LHFPL3: variants seen among roughly 807,000 people sequenced by gnomAD.
The protein encoded by LHFPL3 is LHFPL tetraspan subfamily member 3, also known as LHFPL tetraspan subfamily member 3 protein.
In LHFPL3, 5 loss-of-function variants were observed where a neutral mutation model predicts 19.3. The ratio of observed to expected loss-of-function variants is 0.26; its 90% CI spans 0.14 to 0.54. The LOEUF is 0.54. Ranked by LOEUF, LHFPL3 falls within the 20% of genes least tolerant of loss-of-function variation. LHFPL3 has a pLI of 0.94. For missense variants in LHFPL3, 249 were observed against 307.4 expected (o/e 0.81, Z 1.42); for synonymous variants, 133 against 126.2 (o/e 1.05, Z -0.36).
chr7:104,494,650 A>C (rs994723953), intron 1 of LHFPL3, among the ~76,000 whole-genome samples: 2 of 152,172 alleles, frequency 1.3e-5, no homozygotes, highest in Admixed American at 6.5e-5. Context: ...CATTCAAGTC[A>C]AATCAAGCCT....
chr7:104,717,919 G>T (rs1297194375), intron 1 of LHFPL3, among the ~76,000 whole-genome samples: 1 of 152,090 alleles, frequency 6.6e-6, no homozygotes, highest in Non-Finnish European at 1.5e-5. Flanking sequence ...AGTGTCCATG[G>T]ACAGATAGAT....
chr7:104,595,267 G>C (rs1002558130), intron 1 of LHFPL3, among the ~76,000 whole-genome samples: 3 of 152,178 alleles, frequency 2.0e-5, no homozygotes, highest in Non-Finnish European at 4.4e-5. Flanking sequence ...ATTTCTTTCT[G>C]TTTGTTAGTT....
intron 2 of LHFPL3, among the ~76,000 whole-genome samples, chr7:104,793,233 C>T (rs889911671): frequency 4.6e-5 from 7 of 152,198 alleles, no homozygotes; most frequent in South Asian, 4.1e-4. Flanking sequence ...AACATCCTTG[C>T]GCAACTGGGT....
At chr7:104,577,330 C>T (rs1790357114) in intron 1 of LHFPL3, among the ~76,000 whole-genome samples, 1 of 152,080 alleles carries the variant, frequency 6.6e-6, no homozygotes, top group African/African-American at 2.4e-5. Context: ...GGGAGAATGT[C>T]AGGGAAAGCT....
intron 1 of LHFPL3, among the ~76,000 whole-genome samples, chr7:104,378,260 C>T (rs2116446185): frequency 6.6e-6 from 1 of 152,346 alleles, no homozygotes; most frequent in African/African-American, 2.4e-5. Flanking sequence ...CAGGCGACTT[C>T]TGTCATTAGA....
intron 1 of LHFPL3, among the ~76,000 whole-genome samples, chr7:104,564,161 G>T (rs1235307680): frequency 6.6e-6 from 1 of 152,136 alleles, no homozygotes; most frequent in Non-Finnish European, 1.5e-5. Context: ...ACACCTGACA[G>T]AATCAGGATT....
chr7:104,499,573 G>A (rs974659557), intron 1 of LHFPL3, among the ~76,000 whole-genome samples: 1 of 152,210 alleles, frequency 6.6e-6, no homozygotes, highest in African/African-American at 2.4e-5. Context: ...TACTTCAAGA[G>A]AATGAGGGAC....
chr7:104,412,788 G>C (rs1464194155), intron 1 of LHFPL3, among the ~76,000 whole-genome samples: 60 of 152,016 alleles, frequency 3.9e-4, no homozygotes, highest in Non-Finnish European at 1.3e-4. Flanking sequence ...TTATCTCACA[G>C]ATCGTTGAGA....
At chr7:104,441,833 C>A (rs2116582565) in intron 1 of LHFPL3, among the ~76,000 whole-genome samples, 1 of 152,316 alleles carries the variant, frequency 6.6e-6, no homozygotes, top group East Asian at 1.9e-4. Flanking sequence ...CTCGGCCTCC[C>A]TAAGTGCTGG....
chr7:104,540,376 G>C (rs1381204902), intron 1 of LHFPL3, among the ~76,000 whole-genome samples: 1 of 152,144 alleles, frequency 6.6e-6, no homozygotes, highest in Non-Finnish European at 1.5e-5. Flanking sequence ...ATTTGGCAAT[G>C]AGTGAAAATA....
intron 1 of LHFPL3, among the ~76,000 whole-genome samples, chr7:104,575,289 A>T (rs1165853302): frequency 1.3e-5 from 2 of 152,080 alleles, no homozygotes; most frequent in African/African-American, 4.8e-5. Context: ...CCATTTTCTC[A>T]TCTCCCTTGC....
intron 1 of LHFPL3, among the ~76,000 whole-genome samples, chr7:104,514,071 T>C (rs1426261771): frequency 6.6e-6 from 1 of 152,198 alleles, no homozygotes; most frequent in Non-Finnish European, 1.5e-5. Flanking sequence ...TTATTAGCTC[T>C]CTTAACATTT....
At chr7:104,516,941 T>C (rs888706522) in intron 1 of LHFPL3, among the ~76,000 whole-genome samples, 1 of 152,156 alleles carries the variant, frequency 6.6e-6, no homozygotes, top group Non-Finnish European at 1.5e-5. Context: ...ATGATACATA[T>C]ACACCATGGA....
intron 1 of LHFPL3, among the ~76,000 whole-genome samples, chr7:104,551,780 T>C (rs1202023867): frequency 6.6e-6 from 1 of 152,114 alleles, no homozygotes; most frequent in African/African-American, 2.4e-5. Context: ...TAAATAATTA[T>C]GGAAATGCTG....
At chr7:104,683,789 G>T (rs1040948411) in intron 1 of LHFPL3, among the ~76,000 whole-genome samples, 2 of 152,132 alleles carry the variant, frequency 1.3e-5, no homozygotes, top group African/African-American at 4.8e-5. Flanking sequence ...CCTATAATTT[G>T]ATTTGGTCAG....
At chr7:104,470,080 G>T in intron 1 of LHFPL3, 1 of 455,974 alleles carries the variant, frequency 2.2e-6, no homozygotes, top group African/African-American at 2.0e-5. Context: ...AAGAATGGTA[G>T]TGAGAGGTCA....
intron 2 of LHFPL3, among the ~76,000 whole-genome samples, chr7:104,768,194 G>A (rs1311733668): frequency 6.6e-6 from 1 of 150,866 alleles, no homozygotes; most frequent in Non-Finnish European, 1.5e-5. Flanking sequence ...TGACTTACTG[G>A]AAATATCTCA....
chr7:104,841,412 C>A lies in LHFPL3; in HGVS notation c.683-64775C>A, dbSNP rs1584569628. 2.3e-5 allele frequency among the ~76,000 whole-genome samples: 3 copies of A among 133,318 alleles called. No individual in the cohort carries two copies. The Admixed American group carries it at 2.4e-4, about 11-fold the overall frequency. 87.5% of individuals were successfully genotyped at this position (133,318 alleles called of 152,430 possible). A position where few individuals can be genotyped will look rare whatever the true frequency, so the allele number is the denominator to read the frequency against. ...AGGAGCATGGATAAGGACATTGCAT[C>A]CTCGTTTGTGTCTGTGGAAAATTGA... On this transcript the variant is annotated intron_variant, in intron 2 of 2. Transcript: ENST00000424859.
In LHFPL3 at chr7:104,505,236, T is replaced by C. The variant is rs545651623; in HGVS notation, c.445+176012T>C. 9.4e-4 allele frequency among the ~76,000 whole-genome samples: 143 copies of C among 152,368 alleles called. 1 individual carries two copies. Among genetic ancestry groups the C allele is most frequent in the African/African-American group, 3.4e-3 (140 of 41,596 alleles). Reference sequence around the variant, plus strand: ...TACATCATATAACCAGTGGAATTTTTGTCTTCTAACTCCATGATTATATTC... The same window carrying C: ...TACATCATATAACCAGTGGAATTTTCGTCTTCTAACTCCATGATTATATTC... On this transcript the variant is annotated intron_variant, in intron 1 of 2. Transcript: ENST00000424859.
Sources: gnomAD v4.1 joint callset for allele counts (sites outside exome capture counted in the v4.1 genomes callset) on GRCh38, gnomAD v4.1.1 for gene constraint, MANE v1.5 for transcripts, NCBI Gene and HGNC (gene_info 2026-07-23, HGNC 2026-07-21) for gene names.